LDLRAD3: variants seen among roughly 807,000 people sequenced by gnomAD.
The protein encoded by LDLRAD3 is low-density lipoprotein receptor class A domain-containing protein 3.
In LDLRAD3, 20 loss-of-function variants were observed where a neutral mutation model predicts 29.4. That is an observed-to-expected ratio of 0.68 (90% CI 0.48 to 0.99). The LOEUF is 0.99. Among genes scored for constraint, LDLRAD3 ranks in the 50% least tolerant of loss-of-function variants. LDLRAD3 has a pLI of 0.00. For missense variants in LDLRAD3, 420 were observed against 454.3 expected, an observed-to-expected ratio of 0.92 and a Z score of 0.69; for synonymous variants, 157 against 192.7, an observed-to-expected ratio of 0.81 and a Z score of 1.53.
chr11:36,020,024 G>A (rs995989456), intron 1 of LDLRAD3, among the ~76,000 whole-genome samples: 1 of 152,116 alleles, frequency 6.6e-6, no homozygotes, highest in African/African-American at 2.4e-5. Flanking sequence ...TTTGTCTATG[G>A]GCAGCTGTGT....
At chr11:36,153,103 C>G (rs79690289) in intron 4 of LDLRAD3, among the ~76,000 whole-genome samples, 2 of 152,048 alleles carry the variant, frequency 1.3e-5, no homozygotes, top group Non-Finnish European at 2.9e-5. Flanking sequence ...TCAGGATCTC[C>G]AACAAAGGGG....
At chr11:36,023,531 A>G (rs1852125451) in intron 1 of LDLRAD3, among the ~76,000 whole-genome samples, 1 of 152,178 alleles carries the variant, frequency 6.6e-6, no homozygotes, top group Admixed American at 6.5e-5. Flanking sequence ...ATTAAACAAG[A>G]GGAACTATCT....
intron 4 of LDLRAD3, among the ~76,000 whole-genome samples, chr11:36,195,071 T>C (rs1387635091): frequency 3.3e-5 from 5 of 152,190 alleles, no homozygotes; most frequent in South Asian, 2.1e-4. Flanking sequence ...ACTTCTGTTA[T>C]AGAGCTTTTT....
chr11:36,025,198 A>G lies in LDLRAD3; in HGVS notation c.47-10905A>G, dbSNP rs556994030. Among the ~76,000 whole-genome samples, 9 of 152,168 alleles carry G rather than the reference A, an allele frequency of 5.9e-5. No homozygotes were observed. In the South Asian group the frequency reaches 1.9e-3, roughly 32 times the overall value. ...TTTTGAAGCGAGAATATAGTGGTAA[A>G]TGCTTCCATATGTCTTTCATAGGGT... On this transcript the variant is annotated intron_variant, in intron 1 of 5. Coordinates refer to ENST00000315571, the MANE Select transcript of LDLRAD3 (RefSeq NM_174902.4).
rs187501871 is a variant in LDLRAD3 at position 36,046,895 on chromosome 11, A to G, written c.193+10646A>G. 2.6e-5 allele frequency among the ~76,000 whole-genome samples: 4 copies of G among 152,330 alleles called. No individual in the cohort carries two copies. The East Asian group carries it at 7.7e-4, about 29-fold the overall frequency. On this transcript the variant is annotated intron_variant, in intron 2 of 5. Coordinates refer to ENST00000315571, the MANE Select transcript of LDLRAD3 (RefSeq NM_174902.4). ...AAGGGTGATTCAAATGAGAAAATAA[A>G]TAAATATATATATTTTAAAAGTCAG...
intron 1 of LDLRAD3, among the ~76,000 whole-genome samples, chr11:35,973,253 T>C (rs1043261492): frequency 3.9e-5 from 6 of 152,082 alleles, no homozygotes; most frequent in African/African-American, 1.4e-4. Flanking sequence ...GATTCCTTAT[T>C]CTGTGTGTAT....
At chr11:36,003,264 T>C (rs1390666975) in intron 1 of LDLRAD3, among the ~76,000 whole-genome samples, 1 of 152,226 alleles carries the variant, frequency 6.6e-6, no homozygotes, top group East Asian at 1.9e-4. Flanking sequence ...GTGTCACATC[T>C]GGAAGCTGCC....
At chr11:36,097,559 C>T (rs991397671) in intron 3 of LDLRAD3, among the ~76,000 whole-genome samples, 1 of 151,914 alleles carries the variant, frequency 6.6e-6, no homozygotes, top group Non-Finnish European at 1.5e-5. Flanking sequence ...TTTAGCATGT[C>T]GGGGTGGAGA....
intron 1 of LDLRAD3, among the ~76,000 whole-genome samples, chr11:35,972,137 A>C (rs1328817236): frequency 6.6e-6 from 1 of 152,072 alleles, no homozygotes; most frequent in African/African-American, 2.4e-5. Context: ...ACCAATGAGG[A>C]GGAGGAGACG....
chr11:36,215,777 G>A (rs1031592553), intron 4 of LDLRAD3, among the ~76,000 whole-genome samples: 3 of 152,132 alleles, frequency 2.0e-5, no homozygotes, highest in South Asian at 2.1e-4. Context: ...GTATCAGCCC[G>A]TTCCCCTAAA....
At chr11:36,163,330 T>G (rs1245295563) in intron 4 of LDLRAD3, 1 of 152,248 alleles carries the variant, frequency 6.6e-6, no homozygotes, top group African/African-American at 2.4e-5. Context: ...CTGCTGCCAC[T>G]TTCTCCACTC....
intron 2 of LDLRAD3, among the ~76,000 whole-genome samples, chr11:36,049,351 T>TA (rs1429318052): frequency 6.6e-6 from 1 of 152,062 alleles, no homozygotes; most frequent in African/African-American, 2.4e-5. Flanking sequence ...GATCGCTTTT[T>TA]AAAAAAATCT....
At chr11:36,121,802 G>A (rs1255578541) in intron 4 of LDLRAD3, among the ~76,000 whole-genome samples, 4 of 152,236 alleles carry the variant, frequency 2.6e-5, no homozygotes, top group Non-Finnish European at 5.9e-5. Flanking sequence ...CTGTGCCAGT[G>A]TGGGAGCAGG....
intron 4 of LDLRAD3, among the ~76,000 whole-genome samples, chr11:36,221,860 A>G (rs1249702592): frequency 6.6e-6 from 1 of 152,124 alleles, no homozygotes; most frequent in Non-Finnish European, 1.5e-5. Context: ...TATTCTATAC[A>G]TTCTCTACTG....
chr11:35,948,902 C>T (rs1851094825), intron 1 of LDLRAD3, among the ~76,000 whole-genome samples: 1 of 152,144 alleles, frequency 6.6e-6, no homozygotes, highest in Non-Finnish European at 1.5e-5. Context: ...TCACCCACAG[C>T]GGTGACAGCC....
intron 2 of LDLRAD3, among the ~76,000 whole-genome samples, chr11:36,081,197 G>T (rs1001223259): frequency 6.6e-6 from 1 of 152,170 alleles, no homozygotes; most frequent in Non-Finnish European, 1.5e-5. Flanking sequence ...ATCCCATTGG[G>T]TGATTGCTGG....
chr11:36,123,264 A>G (rs1179026982), intron 4 of LDLRAD3, among the ~76,000 whole-genome samples: 1 of 152,260 alleles, frequency 6.6e-6, no homozygotes, highest in East Asian at 1.9e-4. Flanking sequence ...ATGAGTAACC[A>G]TCAGTGCTTA....
chr11:36,215,449 G>C (rs933010469), intron 4 of LDLRAD3, among the ~76,000 whole-genome samples: 5 of 152,136 alleles, frequency 3.3e-5, no homozygotes, highest in African/African-American at 1.2e-4. Context: ...ACAGTGGCTG[G>C]GAACAGGGAG....
chr11:35,977,605 G>A lies in LDLRAD3; in HGVS notation c.46+33461G>A, dbSNP rs527309841. Among the ~76,000 whole-genome samples, 6 of 152,208 alleles carry A rather than the reference G, an allele frequency of 3.9e-5. No homozygotes were observed. In the East Asian group the frequency reaches 1.2e-3, roughly 29 times the overall value. ...CCTGGGAGAGTACAGGTAGGGAGAG[G>A]CCCAATGAGACGCCCGTCTTAGGTC... On this transcript the variant is annotated intron_variant, in intron 1 of 5. Coordinates refer to ENST00000315571, the MANE Select transcript of LDLRAD3 (RefSeq NM_174902.4).
Sources: gnomAD v4.1 joint callset for allele counts (sites outside exome capture counted in the v4.1 genomes callset) on GRCh38, gnomAD v4.1.1 for gene constraint, MANE v1.5 for transcripts, NCBI Gene and HGNC (gene_info 2026-07-23, HGNC 2026-07-21) for gene names.